UBE2N: variants seen among roughly 807,000 people sequenced by gnomAD.
UBE2N encodes ubiquitin-conjugating enzyme E2 N.
For missense variants in UBE2N, 60 were observed against 192.1 expected (o/e 0.31, Z 4.07); for synonymous variants, 70 against 69.2 (o/e 1.01, Z -0.06).
At chr12:93,439,750 T>C (rs1879044466) in intron 1 of UBE2N, among the ~76,000 whole-genome samples, 1 of 152,226 alleles carries the variant, frequency 6.6e-6, no homozygotes, top group Non-Finnish European at 1.5e-5. Context: ...GTCTTCTGTT[T>C]AAGGATTAGA....
chr12:93,415,971 T>G lies in UBE2N; in HGVS notation c.31-4672A>C, dbSNP rs149691525. Among the ~76,000 whole-genome samples the G allele has an allele frequency of 1.3e-3, 195 of 152,362 alleles. 1 individual carries two copies. The highest frequency in any genetic ancestry group is 4.6e-3 in the African/African-American group (190 of 41,592). ...AAAATCAGATATTCTTTGTAAAGAA[T>G]GTACATATTAAGCACATCATGTGAC... On this transcript the variant is annotated intron_variant, in intron 1 of 3. Transcript: ENST00000318066.
rs1444834429 is a variant in UBE2N at position 93,408,964 on chromosome 12, G to A, written c.*1075C>T. ...TAACCCAAATTTTAGGCAAAAATGT[G>A]GCACAACTGTGAAAGTCCTACATGT... On this transcript the variant is annotated 3_prime_UTR_variant, in exon 4 of 4. Transcript: ENST00000318066. The A allele has an allele frequency of 2.0e-5, 3 of 152,622 alleles. No individual in the cohort carries two copies. Among genetic ancestry groups the A allele is most frequent in the Non-Finnish European group, 4.4e-5 (3 of 68,044 alleles). The allele number at this position is 152,622 out of a possible 1,614,324, so 9.5% of individuals were successfully genotyped here. A position where few individuals can be genotyped will look rare whatever the true frequency, so the allele number is the denominator to read the frequency against.
At chr12:93,419,561 GAAGTA>G (rs773207434) in intron 1 of UBE2N, among the ~76,000 whole-genome samples, 3 of 152,138 alleles carry the variant, frequency 2.0e-5, no homozygotes, top group African/African-American at 2.4e-5. Context: ...ACTGAATGAT[GAAGTA>G]AAGAGTTCAC....
intron 2 of UBE2N, 47 bp from the exon 3 acceptor site, chr12:93,410,921 C>T: frequency 6.2e-7 from 1 of 1,613,978 alleles, no homozygotes. Context: ...AAAAAACAGG[C>T]CCAGAACTGC....
chr12:93,441,622 C>T (rs2121108447), intron 1 of UBE2N, among the ~76,000 whole-genome samples: 1 of 152,188 alleles, frequency 6.6e-6, no homozygotes, highest in East Asian at 1.9e-4. Context: ...CGCCGGGCAG[C>T]CGCCTGGAAG....
chr12:93,425,673 G>A (rs943834739), intron 1 of UBE2N, among the ~76,000 whole-genome samples: 21 of 152,278 alleles, frequency 1.4e-4, no homozygotes, highest in African/African-American at 4.8e-4. Context: ...AGTAGGCCTA[G>A]CCAAGCAGTG....
chr12:93,426,233 G>C (rs965085318), intron 1 of UBE2N, among the ~76,000 whole-genome samples: 1 of 152,170 alleles, frequency 6.6e-6, no homozygotes, highest in African/African-American at 2.4e-5. Context: ...TATTACAATA[G>C]AGTACGATGG....
chr12:93,435,125 A>C (rs928941218), intron 1 of UBE2N, among the ~76,000 whole-genome samples: 4 of 152,040 alleles, frequency 2.6e-5, no homozygotes, highest in Non-Finnish European at 4.4e-5. Context: ...TAACTTTTCC[A>C]TGCCTTTTTT....
At chr12:93,430,230 A>G (rs1878719661) in intron 1 of UBE2N, among the ~76,000 whole-genome samples, 1 of 152,224 alleles carries the variant, frequency 6.6e-6, no homozygotes, top group African/African-American at 2.4e-5. Flanking sequence ...GTAACATATT[A>G]AACAGGTTTG....
intron 1 of UBE2N, among the ~76,000 whole-genome samples, chr12:93,431,304 T>G (rs1383596220): frequency 1.3e-5 from 2 of 152,180 alleles, no homozygotes; most frequent in Non-Finnish European, 2.9e-5. Flanking sequence ...GATCCTGTTC[T>G]TAAACATGTT....
chr12:93,430,349 T>C (rs528519340), intron 1 of UBE2N, among the ~76,000 whole-genome samples: 3 of 152,288 alleles, frequency 2.0e-5, no homozygotes, highest in African/African-American at 7.2e-5. Flanking sequence ...TGAAATTGCC[T>C]ATGGTGCATT....
chr12:93,421,120 C>CAA (rs1334528736), intron 1 of UBE2N, among the ~76,000 whole-genome samples: 4 of 151,470 alleles, frequency 2.6e-5, no homozygotes, highest in Non-Finnish European at 5.9e-5. Context: ...TAGTGAATGA[C>CAA]AGAGTGAAGA....
intron 1 of UBE2N, chr12:93,424,180 A>G (rs1592746381): frequency 6.6e-6 from 1 of 152,336 alleles, no homozygotes; most frequent in Admixed American, 6.5e-5. Context: ...ACAAATCAAT[A>G]TTCTTTAAAA....
chr12:93,427,906 A>G (rs1309376147), intron 1 of UBE2N, among the ~76,000 whole-genome samples: 3 of 152,204 alleles, frequency 2.0e-5, no homozygotes, highest in Non-Finnish European at 4.4e-5. Flanking sequence ...ACATATTCAC[A>G]GCATGTTAAC....
rs976052785 is a variant in UBE2N at position 93,408,671 on chromosome 12, T to A, written c.*1368A>T. ...GGAATTCGTCAATAAAGAAGAAAAA[T>A]TACTGAATTCCAAATTAAAGAATAA... is the stretch of plus-strand genomic sequence containing the variant. On this transcript the variant is annotated 3_prime_UTR_variant, in exon 4 of 4. Coordinates refer to ENST00000318066, the MANE Select transcript of UBE2N (RefSeq NM_003348.4). 7 of 151,898 alleles carry A rather than the reference T, an allele frequency of 4.6e-5. No homozygotes were observed. The highest frequency in any genetic ancestry group is 1.7e-4 in the African/African-American group (7 of 41,348). The allele number at this position is 151,898 out of a possible 1,614,324, so 9.4% of individuals were successfully genotyped here. A position where few individuals can be genotyped will look rare whatever the true frequency, so the allele number is the denominator to read the frequency against.
intron 1 of UBE2N, among the ~76,000 whole-genome samples, chr12:93,434,890 G>A (rs1289565477): frequency 2.0e-5 from 3 of 151,200 alleles, no homozygotes; most frequent in African/African-American, 7.3e-5. Context: ...TAATGAGTTT[G>A]TATTTATTTA....
intron 1 of UBE2N, among the ~76,000 whole-genome samples, chr12:93,421,770 A>T (rs893355815): frequency 6.6e-6 from 1 of 152,234 alleles, no homozygotes; most frequent in African/African-American, 2.4e-5. Context: ...CATTTTGCCT[A>T]TCTTTGATAG....
At chr12:93,426,716 C>T (rs980848008) in intron 1 of UBE2N, among the ~76,000 whole-genome samples, 2 of 152,128 alleles carry the variant, frequency 1.3e-5, no homozygotes, top group African/African-American at 4.8e-5. Flanking sequence ...GATATAAAGT[C>T]AATCAATGTC....
At chr12:93,424,265 C>T (rs1878507712) in intron 1 of UBE2N, 1 of 152,200 alleles carries the variant, frequency 6.6e-6, no homozygotes, top group Non-Finnish European at 1.5e-5. Context: ...CATGTATTTA[C>T]TTACTCGACC....
Sources: allele counts gnomAD v4.1 joint callset (sites outside exome capture counted in the v4.1 genomes callset), GRCh38; gene constraint gnomAD v4.1.1; transcripts MANE v1.5; gene names NCBI Gene and HGNC (gene_info 2026-07-23, HGNC 2026-07-21).